Variants in ADAM20 observed in about 807,000 individuals in gnomAD.
ADAM20 encodes the protein ADAM metallopeptidase domain 20, also known as disintegrin and metalloproteinase domain-containing protein 20.
For missense variants in ADAM20, 871 were observed against 883.2 expected (o/e 0.99, Z 0.18); for synonymous variants, 305 against 310.2 (o/e 0.98, Z 0.18).
the ADAM20 span, among the ~76,000 whole-genome samples, chr14:70,563,021 G>A: frequency 2.8e-4 from 43 of 152,242 alleles, 1 homozygote; most frequent in Admixed American, 1.6e-3. Context: ...ATTCATTAAC[G>A]AAACTTGACA....
the ADAM20 span, among the ~76,000 whole-genome samples, chr14:70,569,726 G>C: frequency 6.6e-6 from 1 of 151,606 alleles, no homozygotes; most frequent in Admixed American, 6.6e-5. Context: ...CAATCAAGAA[G>C]ACTTAACTAT....
In ADAM20 at chr14:70,524,825, C is replaced by G; in HGVS notation, c.-68G>C. The stretch of plus-strand genomic sequence containing the variant: ...GAACAAGGTGTGAGGCACTGCTGGT[C>G]TGGCTCCTCCCTCTGAGCTGTTCAG... On this transcript the variant is annotated 5_prime_UTR_variant, in exon 2 of 2. Coordinates refer to ENST00000256389, the MANE Select transcript of ADAM20 (RefSeq NM_003814.5). The G allele has an allele frequency of 6.2e-7, 1 of 1,613,328 alleles. No homozygotes were observed. Among genetic ancestry groups the G allele is most frequent in the Admixed American group, 1.7e-5 (1 of 59,994 alleles).
intron 1 of ADAM20, among the ~76,000 whole-genome samples, chr14:70,532,211 C>T (rs1270478805): frequency 6.6e-6 from 1 of 151,806 alleles, no homozygotes; most frequent in African/African-American, 2.4e-5. Flanking sequence ...GATAAAGGTG[C>T]CAAAACTACA....
chr14:70,538,890 C>T (rs538443919), upstream of ADAM20, among the ~76,000 whole-genome samples: 21 of 152,274 alleles, frequency 1.4e-4, no homozygotes, highest in South Asian at 4.2e-4. Context: ...CTCCACCTCC[C>T]GGGTTCAAGT....
chr14:70,565,199 G>A, the ADAM20 span, among the ~76,000 whole-genome samples: 2 of 150,928 alleles, frequency 1.3e-5, no homozygotes, highest in East Asian at 2.0e-4. Context: ...TTGAAAACTC[G>A]AGGATGGGCA....
At chr14:70,547,394 G>C in the ADAM20 span, 4 of 149,280 alleles carry the variant, frequency 2.7e-5, no homozygotes, top group East Asian at 8.0e-4. Context: ...CTGAGGTACC[G>C]GGTTCATCTC....
At chr14:70,569,664 T>TA in the ADAM20 span, among the ~76,000 whole-genome samples, 1 of 151,396 alleles carries the variant, frequency 6.6e-6, no homozygotes, top group Non-Finnish European at 1.5e-5. Flanking sequence ...TGAACAAAGC[T>TA]AAAAAAAGAA....
intron 1 of ADAM20, among the ~76,000 whole-genome samples, chr14:70,526,671 C>T (rs982764480): frequency 1.3e-5 from 2 of 152,214 alleles, no homozygotes; most frequent in African/African-American, 4.8e-5. Flanking sequence ...CAATGCATTA[C>T]TCCAAAGACA....
intron 1 of ADAM20, among the ~76,000 whole-genome samples, chr14:70,525,735 G>T (rs1264542368): frequency 6.6e-6 from 1 of 152,000 alleles, no homozygotes; most frequent in Non-Finnish European, 1.5e-5. Context: ...AGTCAAAAAA[G>T]CCCCACTAAA....
At chr14:70,528,549 G>A (rs1883641295) in intron 1 of ADAM20, among the ~76,000 whole-genome samples, 1 of 152,150 alleles carries the variant, frequency 6.6e-6, no homozygotes, top group South Asian at 2.1e-4. Flanking sequence ...GGTAGAATTG[G>A]AGAATCCTTC....
chr14:70,566,464 A>C, the ADAM20 span, among the ~76,000 whole-genome samples: 1 of 152,306 alleles, frequency 6.6e-6, no homozygotes, highest in Non-Finnish European at 1.5e-5. Context: ...ATCAAAGCAC[A>C]ACACTACAAA....
chr14:70,566,662 G>A, the ADAM20 span, among the ~76,000 whole-genome samples: 1 of 152,170 alleles, frequency 6.6e-6, no homozygotes, highest in Non-Finnish European at 1.5e-5. Context: ...ATCAACCCCA[G>A]AGAAACCTGG....
At chr14:70,534,168 T>C (rs1397295857) in intron 1 of ADAM20, among the ~76,000 whole-genome samples, 3 of 151,690 alleles carry the variant, frequency 2.0e-5, no homozygotes, top group African/African-American at 7.3e-5. Flanking sequence ...TCCTAAATTA[T>C]TTTATGTTTT....
In ADAM20 at chr14:70,524,284, T is replaced by C. The variant is rs61739361; in HGVS notation, c.474A>G (p.Val158=). The C allele has an allele frequency of 1.6e-4, 258 of 1,614,052 alleles. No homozygotes were observed. In the African/African-American group the frequency reaches 3.0e-3, roughly 19 times the overall value. ...ISVSATFEHL[V]YKIDSDDTQF... ...GTGTATCATCACTGTCTATCTTATATACTAGGTGTTCAAATGTGGCAGAAA... is the reference window on the plus strand; with the variant it reads ...GTGTATCATCACTGTCTATCTTATACACTAGGTGTTCAAATGTGGCAGAAA... Residue 158 remains valine (V), a synonymous_variant, in exon 2 of 2, where the codon GTA becomes GTG. Transcript: ENST00000256389.
chr14:70,541,654 G>A, the ADAM20 span, among the ~76,000 whole-genome samples: 4 of 152,130 alleles, frequency 2.6e-5, no homozygotes, highest in Non-Finnish European at 4.4e-5. Context: ...GGCTTATTTG[G>A]TATAAAAGCA....
chr14:70,574,774 G>C, the ADAM20 span, among the ~76,000 whole-genome samples: 1 of 152,182 alleles, frequency 6.6e-6, no homozygotes, highest in Non-Finnish European at 1.5e-5. Context: ...AGAAATAAAT[G>C]AAATAGAGAC....
the ADAM20 span, among the ~76,000 whole-genome samples, chr14:70,561,514 G>A: frequency 6.6e-6 from 1 of 152,258 alleles, no homozygotes; most frequent in African/African-American, 2.4e-5. Context: ...GGAGCTGACT[G>A]TTAATAGCCA....
chr14:70,570,621 TAATA>T, the ADAM20 span, among the ~76,000 whole-genome samples: 11 of 152,006 alleles, frequency 7.2e-5, no homozygotes, highest in Non-Finnish European at 1.5e-4. Flanking sequence ...ATTAAATCGG[TAATA>T]AAAAATCTAC....
chr14:70,566,118 C>T, the ADAM20 span, among the ~76,000 whole-genome samples: 13 of 152,092 alleles, frequency 8.5e-5, no homozygotes, highest in African/African-American at 3.1e-4. Context: ...ACATGAAAGA[C>T]CACAGGAGTA....
Sources: allele counts gnomAD v4.1 joint callset (sites outside exome capture counted in the v4.1 genomes callset), GRCh38; gene constraint gnomAD v4.1.1; transcripts MANE v1.5; gene names NCBI Gene and HGNC (gene_info 2026-07-23, HGNC 2026-07-21).